SLC39A14: variants seen among roughly 807,000 people sequenced by gnomAD.
The protein encoded by SLC39A14 is metal cation symporter ZIP14.
In SLC39A14, 19 loss-of-function variants were observed where a neutral mutation model predicts 45.5. The ratio of observed to expected loss-of-function variants is 0.42; its 90% CI spans 0.29 to 0.61. The LOEUF is 0.61. Among genes scored for constraint, SLC39A14 ranks in the 20% least tolerant of loss-of-function variants. The pLI is 0.22. For synonymous variants in SLC39A14, 264 were observed against 251.3 expected (o/e 1.05, Z -0.48); for missense variants, 447 against 616.5 (o/e 0.73, Z 2.91).
At chr8:22,426,879 T>C (rs1482555399), downstream of SLC39A14, among the ~76,000 whole-genome samples, 1 of 151,972 alleles carries the variant, frequency 6.6e-6, no homozygotes, top group African/African-American at 2.4e-5. Context: ...AGATGGGGTT[T>C]TCGCCATATT....
chr8:22,416,795 G>A (rs543062996), intron 7 of SLC39A14, among the ~76,000 whole-genome samples: 2 of 152,138 alleles, frequency 1.3e-5, no homozygotes, highest in East Asian at 3.9e-4. Context: ...TTACAGGGGT[G>A]TTTGTTTCCT....
chr8:22,379,393 C>G (rs1448476662), intron 1 of SLC39A14: 9 of 152,208 alleles, frequency 5.9e-5, no homozygotes, highest in Non-Finnish European at 1.3e-4. Context: ...GTTCACGGAG[C>G]TGCCAAAGAA....
intron 1 of SLC39A14, among the ~76,000 whole-genome samples, chr8:22,377,868 A>C (rs1355752460): frequency 6.6e-6 from 1 of 152,182 alleles, no homozygotes; most frequent in African/African-American, 2.4e-5. Context: ...TGAATGCTTG[A>C]TCAGCATCTT....
chr8:22,425,441 C>A (rs1207369086), downstream of SLC39A14, among the ~76,000 whole-genome samples: 1 of 152,056 alleles, frequency 6.6e-6, no homozygotes, highest in African/African-American at 2.4e-5. Context: ...TGGGCAAAAC[C>A]CACTTCAAGA....
rs576773111 is a variant in SLC39A14, at chr8:22,421,316, G to T, written c.*1618G>T. ...TCCGTTTTGTTTTCTCTTCTTGGGA[G>T]ACATCTGTCAAACCAGGAATATTCT... On this transcript the variant is annotated 3_prime_UTR_variant, in exon 9 of 9. Coordinates refer to ENST00000381237, the MANE Select transcript of SLC39A14 (RefSeq NM_001128431.4). The T allele has an allele frequency of 1.0e-5, 10 of 985,844 alleles. No individual in the cohort carries two copies. The African/African-American group carries it at 1.6e-4, about 15-fold the overall frequency. 61.1% of individuals were successfully genotyped at this position (985,844 alleles called of 1,614,324 possible). A position where few individuals can be genotyped will look rare whatever the true frequency, so the allele number is the denominator to read the frequency against.
intron 1 of SLC39A14, among the ~76,000 whole-genome samples, chr8:22,373,808 A>T (rs1401627135): frequency 3.4e-5 from 5 of 147,084 alleles, no homozygotes; most frequent in Non-Finnish European, 7.4e-5. Flanking sequence ...TCTGTCACCC[A>T]GGCGGGAGTG....
intron 1 of SLC39A14, among the ~76,000 whole-genome samples, chr8:22,397,555 G>GCGAAAGAGGC (rs1207357406): frequency 6.6e-6 from 1 of 151,922 alleles, no homozygotes; most frequent in Non-Finnish European, 1.5e-5. Context: ...TCCGGCCTGG[G>GCGAAAGAGGC]CGAAAGAGCG....
Position 22,421,200 on chromosome 8 carries a change from G to T in SLC39A14, c.*1502G>T, listed in dbSNP as rs554839751. 1 of 985,842 alleles carries T rather than the reference G, an allele frequency of 1.0e-6. No homozygotes were observed. The highest frequency in any genetic ancestry group is 1.2e-6 in the Non-Finnish European group (1 of 829,930). 61.1% of individuals were successfully genotyped at this position (985,842 alleles called of 1,614,324 possible). On this transcript the variant is annotated 3_prime_UTR_variant, in exon 9 of 9. Transcript: ENST00000381237. ...GCCATGTTTGCAAACTGATTCATGT[G>T]CATGGCTGACAGGAGTACTGGTTCA...
chr8:22,379,592 G>A (rs1462375053), intron 1 of SLC39A14: 1 of 152,260 alleles, frequency 6.6e-6, no homozygotes, highest in African/African-American at 2.4e-5. Flanking sequence ...CGCAGTCTCT[G>A]TCTTTGTGGA....
At position 22,421,082 on chromosome 8, in the gene SLC39A14, T is replaced by G. The variant is rs1586756052; in HGVS notation, c.*1384T>G. 1.0e-6 allele frequency: 1 copy of G among 985,854 alleles called. No individual in the cohort carries two copies. The allele number at this position is 985,854 out of a possible 1,614,324, so 61.1% of individuals were successfully genotyped here. On this transcript the variant is annotated 3_prime_UTR_variant, in exon 9 of 9. Coordinates refer to ENST00000381237, the MANE Select transcript of SLC39A14 (RefSeq NM_001128431.4). ...TTCACTAGGTGAATTGATTTATTAT[T>G]ATCATATTGATAATGTGAGATTCTT...
chr8:22,380,029 C>T (rs1028122799), intron 1 of SLC39A14, among the ~76,000 whole-genome samples: 1 of 151,652 alleles, frequency 6.6e-6, no homozygotes, highest in African/African-American at 2.4e-5. Flanking sequence ...TTATTACATA[C>T]CATTTACATT....
intron 4 of SLC39A14, among the ~76,000 whole-genome samples, chr8:22,413,288 C>T (rs1270153894): frequency 2.0e-5 from 3 of 152,166 alleles, no homozygotes; most frequent in Non-Finnish European, 4.4e-5. Context: ...TTGGCTCCCT[C>T]CTAGTGGATC....
chr8:22,421,915 A>G lies in SLC39A14; in HGVS notation c.*2217A>G. The stretch of plus-strand genomic sequence containing the variant: ...CCTTAAGAAATTTCCTTCCATAGAC[A>G]GCTGCCTCAAAGGGAAATCCTCTTT... On this transcript the variant is annotated 3_prime_UTR_variant, in exon 9 of 9. Transcript: ENST00000381237. The G allele has an allele frequency of 1.0e-6, 1 of 985,456 alleles. No homozygotes were observed. Among genetic ancestry groups the G allele is most frequent in the Non-Finnish European group, 1.2e-6 (1 of 829,938 alleles). The allele number at this position is 985,456 out of a possible 1,614,324, so 61.0% of individuals were successfully genotyped here. A position where few individuals can be genotyped will look rare whatever the true frequency, so the allele number is the denominator to read the frequency against.
chr8:22,426,306 C>T (rs527705460), downstream of SLC39A14, among the ~76,000 whole-genome samples: 1 of 152,212 alleles, frequency 6.6e-6, no homozygotes, highest in African/African-American at 2.4e-5. Context: ...AGTGATTCTC[C>T]CACCTCAGCT....
Position 22,412,150 on chromosome 8 carries a change from A to G in SLC39A14, c.571A>G (p.Ile191Val), listed in dbSNP as rs1399365598. The G allele has an allele frequency of 1.3e-6, 2 of 1,551,568 alleles. No individual in the cohort carries two copies. Among genetic ancestry groups the G allele is most frequent in the African/African-American group, 1.4e-5 (1 of 73,034 alleles). Residue 191 changes from isoleucine (I) to valine (V), a missense_variant, in exon 4 of 9, where the codon ATA (isoleucine) becomes GTA (valine). By Grantham distance (29) the Ile-to-Val change is conservative. Coordinates refer to ENST00000381237, the MANE Select transcript of SLC39A14 (RefSeq NM_001128431.4). Reference sequence around the variant, plus strand: ...TTACAAGAGGCTGCTGCTCTACTTCATAGCTCTGGCGATTGGAACCCTCTA... The same window carrying G: ...TTACAAGAGGCTGCTGCTCTACTTCGTAGCTCTGGCGATTGGAACCCTCTA... ...TFYKRLLLYFIALAIGTLYSN... is the reference protein window; with the variant it reads ...TFYKRLLLYFVALAIGTLYSN...
At position 22,419,815 on chromosome 8, in the gene SLC39A14, C is replaced by G. The variant is rs1188491793; in HGVS notation, c.*117C>G. On this transcript the variant is annotated 3_prime_UTR_variant, in exon 9 of 9. Coordinates refer to ENST00000381237, the MANE Select transcript of SLC39A14 (RefSeq NM_001128431.4). ...GAGGCCGTTCTATGAAAAACTGACA[C>G]AGACTGTATTCCTGCATTCAAATGT... 4.2e-6 allele frequency: 6 copies of G among 1,439,504 alleles called. No homozygotes were observed. The highest frequency in any genetic ancestry group is 2.8e-5 in the African/African-American group (2 of 70,186). The allele number at this position is 1,439,504 out of a possible 1,614,324, so 89.2% of individuals were successfully genotyped here. A position where few individuals can be genotyped will look rare whatever the true frequency, so the allele number is the denominator to read the frequency against.
downstream of SLC39A14, among the ~76,000 whole-genome samples, chr8:22,423,811 T>TCTCTCTCTCA (rs140415628): frequency 8.0e-5 from 12 of 150,652 alleles, no homozygotes; most frequent in African/African-American, 2.7e-4. Flanking sequence ...TCTCTCTCTC[T>TCTCTCTCTCA]CATCTATCTT....
chr8:22,405,704 A>G (rs146283256), intron 2 of SLC39A14, among the ~76,000 whole-genome samples: 159 of 152,336 alleles, frequency 1.0e-3, no homozygotes, highest in African/African-American at 3.7e-3. Context: ...CTCAAGGTGC[A>G]GGTGAGATTA....
chr8:22,391,758 C>T (rs539074655), intron 1 of SLC39A14, among the ~76,000 whole-genome samples: 1 of 152,202 alleles, frequency 6.6e-6, no homozygotes, highest in East Asian at 1.9e-4. Context: ...TTAGTAGAGA[C>T]GGGGTTTCAC....
Sources: allele counts gnomAD v4.1 joint callset (sites outside exome capture counted in the v4.1 genomes callset), GRCh38; gene constraint gnomAD v4.1.1; transcripts MANE v1.5; gene names NCBI Gene and HGNC (gene_info 2026-07-23, HGNC 2026-07-21).